ATP8B4: variants seen among roughly 807,000 people sequenced by gnomAD.
ATP8B4 encodes the protein probable phospholipid-transporting ATPase IM.
Under a neutral mutation model 145.6 loss-of-function variants are expected in ATP8B4, and 133 were observed. The ratio of observed to expected loss-of-function variants is 0.91; its 90% CI spans 0.79 to 1.05. The LOEUF (loss-of-function observed/expected upper bound fraction) is 1.05. ATP8B4 is among the 50% of genes least tolerant of loss of function. The pLI is 0.00. For missense variants in ATP8B4, 1,458 were observed against 1,425.2 expected (o/e 1.02, Z -0.37); for synonymous variants, 507 against 492.9 (o/e 1.03, Z -0.38).
chr15:49,875,117 C>T (rs781367685), intron 25 of ATP8B4, among the ~76,000 whole-genome samples: 17 of 152,210 alleles, frequency 1.1e-4, no homozygotes, highest in South Asian at 2.1e-4. Flanking sequence ...CATGCACACA[C>T]ACATACACAC....
At chr15:49,963,532 G>C (rs1047620401) in intron 13 of ATP8B4, among the ~76,000 whole-genome samples, 2 of 152,146 alleles carry the variant, frequency 1.3e-5, no homozygotes, top group African/African-American at 4.8e-5. Flanking sequence ...TGATAGACTG[G>C]GTAAAGAAAA....
intron 15 of ATP8B4, 46 bp downstream of exon 15, chr15:49,933,969 TAA>T: frequency 4.8e-6 from 7 of 1,460,174 alleles, no homozygotes; most frequent in Non-Finnish European, 6.4e-6. Flanking sequence ...GTTTCAATTT[TAA>T]AAAACAAAAA....
chr15:50,054,801 A>AC (rs1567274422), intron 3 of ATP8B4, among the ~76,000 whole-genome samples: 11 of 139,296 alleles, frequency 7.9e-5, no homozygotes, highest in African/African-American at 2.2e-4. Flanking sequence ...AAAAAAAAAA[A>AC]AAAAAAAACA....
chr15:49,866,446 G>T lies in ATP8B4; in HGVS notation c.3066C>A (p.His1022Gln), dbSNP rs150458103. ...TGGCAATGCTCCCCCAGATGAAGAC[G>T]TGATTAATGAAAGTCCAGTAACTGG... ...LDTSYWTFIN[H>Q]VFIWGSIAIY... The change falls in exon 26 of 28, where the codon CAC (histidine) becomes CAA (glutamine). Residue 1022 changes from histidine to glutamine, a missense_variant. Transcript: ENST00000284509. The T allele has an allele frequency of 1.2e-6, 2 of 1,613,480 alleles. No individual in the cohort carries two copies. The highest frequency in any genetic ancestry group is 2.7e-5 in the African/African-American group (2 of 74,928).
intron 1 of ATP8B4, among the ~76,000 whole-genome samples, chr15:50,166,038 G>C (rs2140854898): frequency 6.8e-6 from 1 of 147,660 alleles, no homozygotes; most frequent in African/African-American, 2.5e-5. Context: ...TTAGATAAAG[G>C]GAAAATCTTG....
At chr15:49,978,145 C>T (rs529325012) in intron 12 of ATP8B4, among the ~76,000 whole-genome samples, 1 of 152,266 alleles carries the variant, frequency 6.6e-6, no homozygotes, top group African/African-American at 2.4e-5. Context: ...TAATATACTT[C>T]CTTTGTGAGG....
At chr15:50,069,178 A>ATTAG (rs1229544506) in intron 3 of ATP8B4, among the ~76,000 whole-genome samples, 1 of 152,202 alleles carries the variant, frequency 6.6e-6, no homozygotes, top group East Asian at 1.9e-4. Context: ...TTTGTCTTAC[A>ATTAG]CATTTTGGCA....
chr15:50,156,742 T>C (rs947314241), intron 1 of ATP8B4, among the ~76,000 whole-genome samples: 7 of 152,208 alleles, frequency 4.6e-5, no homozygotes, highest in African/African-American at 1.4e-4. Context: ...GATAATAATA[T>C]AGCTGGCCAG....
chr15:49,990,769 T>C (rs906377738), intron 9 of ATP8B4, among the ~76,000 whole-genome samples: 4 of 152,172 alleles, frequency 2.6e-5, no homozygotes, highest in Non-Finnish European at 5.9e-5. Flanking sequence ...ACATTATTAA[T>C]AGAAATAGTT....
intron 1 of ATP8B4, among the ~76,000 whole-genome samples, chr15:50,139,484 C>T (rs888860930): frequency 2.0e-5 from 3 of 152,200 alleles, no homozygotes; most frequent in African/African-American, 2.4e-5. Context: ...ATACCCAATG[C>T]GTGCAGAGCT....
At chr15:50,058,687 G>T (rs2052780277) in intron 3 of ATP8B4, among the ~76,000 whole-genome samples, 1 of 152,132 alleles carries the variant, frequency 6.6e-6, no homozygotes, top group Non-Finnish European at 1.5e-5. Flanking sequence ...AGCACCCTCT[G>T]CCATGCCCAG....
chr15:50,072,343 T>A (rs11070744), intron 3 of ATP8B4, among the ~76,000 whole-genome samples: 133,919 of 152,176 alleles, frequency 0.88, 59,258 homozygotes, highest in East Asian at 0.99. Flanking sequence ...CTACAGAAAC[T>A]ACTCTACCAG....
intron 26 of ATP8B4, among the ~76,000 whole-genome samples, chr15:49,864,742 T>C (rs1329242249): frequency 6.6e-6 from 1 of 152,190 alleles, no homozygotes; most frequent in Non-Finnish European, 1.5e-5. Flanking sequence ...CGAGCCACAT[T>C]TGCATGAATA....
intron 16 of ATP8B4, among the ~76,000 whole-genome samples, chr15:49,924,047 G>C (rs2040493338): frequency 6.6e-6 from 1 of 151,696 alleles, no homozygotes; most frequent in African/African-American, 2.4e-5. Context: ...TAACAATTCT[G>C]GCTGAAAACA....
At chr15:49,923,518 A>G in intron 16 of ATP8B4, 24 bp from the exon 17 acceptor site, 3 of 1,502,472 alleles carry the variant, frequency 2.0e-6, no homozygotes, top group Non-Finnish European at 2.7e-6. Context: ...AGTTTGGAAA[A>G]GCAGAATATA....
At chr15:50,170,340 C>T (rs2044652785) in intron 1 of ATP8B4, among the ~76,000 whole-genome samples, 1 of 152,160 alleles carries the variant, frequency 6.6e-6, no homozygotes, top group Non-Finnish European at 1.5e-5. Flanking sequence ...AGAAACCCTA[C>T]AAGCTAGAAA....
intron 2 of ATP8B4, among the ~76,000 whole-genome samples, chr15:50,086,634 ATATT>A (rs1243533151): frequency 8.5e-6 from 1 of 116,966 alleles, no homozygotes; most frequent in East Asian, 2.4e-4. Context: ...ATAGAGATCT[ATATT>A]TATTATATAT....
intron 14 of ATP8B4, among the ~76,000 whole-genome samples, chr15:49,941,598 T>C (rs375315609): frequency 2.0e-5 from 3 of 152,136 alleles, no homozygotes; most frequent in African/African-American, 4.8e-5. Context: ...GGTAGGAATA[T>C]AAATTAGTAC....
At chr15:49,874,960 A>G (rs992707640) in intron 25 of ATP8B4, among the ~76,000 whole-genome samples, 2 of 152,198 alleles carry the variant, frequency 1.3e-5, no homozygotes, top group Non-Finnish European at 2.9e-5. Flanking sequence ...AGCACATAAA[A>G]CAAATTATGG....
Sources: allele counts gnomAD v4.1 joint callset (sites outside exome capture counted in the v4.1 genomes callset), GRCh38; gene constraint gnomAD v4.1.1; transcripts MANE v1.5; gene names NCBI Gene and HGNC (gene_info 2026-07-23, HGNC 2026-07-21).